Variants in NOTCH2 observed in about 807,000 individuals in gnomAD.
NOTCH2 encodes the protein neurogenic locus notch homolog protein 2.
NOTCH2 carries 29 observed loss-of-function variants against 235.8 expected under a neutral mutation model. The observed-to-expected ratio is 0.12, with a 90% CI of 0.09 to 0.17. NOTCH2 has a LOEUF of 0.17. Ranked by LOEUF, NOTCH2 falls within the 10% of genes least tolerant of loss-of-function variation. The pLI is 1.00. For synonymous variants in NOTCH2, 1,086 were observed against 1,141.5 expected (o/e 0.95, Z 0.98); for missense variants, 2,285 against 3,150.2 (o/e 0.73, Z 6.57).
chr1:119,982,246 C>T (rs1440526204), intron 5 of NOTCH2, among the ~76,000 whole-genome samples: 11 of 152,190 alleles, frequency 7.2e-5, no homozygotes, highest in African/African-American at 2.4e-4. Context: ...TTCTTTGACT[C>T]ATATCCACCT....
intron 17 of NOTCH2, among the ~76,000 whole-genome samples, chr1:119,946,872 G>C (rs1340395572): frequency 2.0e-5 from 3 of 151,990 alleles, no homozygotes; most frequent in African/African-American, 7.2e-5. Context: ...AAAGGCATAA[G>C]GGTTATTTAT....
intron 2 of NOTCH2, among the ~76,000 whole-genome samples, chr1:120,011,721 A>C (rs1306424896): frequency 1.3e-5 from 2 of 152,150 alleles, no homozygotes; most frequent in Non-Finnish European, 2.9e-5. Context: ...AGAAAGATTA[A>C]GATTTTACAG....
Position 119,925,707 on chromosome 1 carries a change from C to T in NOTCH2, c.4109G>A (p.Ser1370Asn), listed in dbSNP as rs1649451769. The T allele has an allele frequency of 6.2e-7, 1 of 1,613,000 alleles. No homozygotes were observed. The highest frequency in any genetic ancestry group is 8.5e-7 in the Non-Finnish European group (1 of 1,179,134). Residue 1370 changes from serine to asparagine, a missense_variant, in exon 25 of 34, where the codon AGT becomes AAT. Physicochemically the swap from Ser to Asn is conservative, Grantham distance 46. This residue lies in a region of NOTCH2 where 1,173 missense variants were observed against 1,515.3 expected (regional missense o/e 0.77). Transcript: ENST00000256646. Reference protein sequence around the residue: ...TASGPRCFCPSPRDCESGCAS... With the variant: ...TASGPRCFCPNPRDCESGCAS... The stretch of plus-strand genomic sequence containing the variant: ...ACAGCCTGACTCGCAGTCCCGGGGA[C>T]TGGGGCAGAAGCAGCGGGGTCCAGA...
At chr1:120,067,319 T>A (rs1301452219) in intron 1 of NOTCH2, among the ~76,000 whole-genome samples, 1 of 149,108 alleles carries the variant, frequency 6.7e-6, no homozygotes, top group African/African-American at 2.5e-5. Flanking sequence ...CTAAATCCTA[T>A]CCTTTGAGTC....
At chr1:119,923,541 C>A in intron 26 of NOTCH2, 96 bp downstream of exon 26, 1 of 1,093,866 alleles carries the variant, frequency 9.1e-7, no homozygotes, top group South Asian at 1.3e-5. Flanking sequence ...TTTTTCTGAT[C>A]TTTGCATTTC....
At position 119,946,349 on chromosome 1, in the gene NOTCH2, G is replaced by A. The variant is rs918753131; in HGVS notation, c.2752+2065C>T. 3.3e-5 allele frequency among the ~76,000 whole-genome samples: 5 copies of A among 152,036 alleles called. No homozygotes were observed. In the East Asian group the frequency reaches 5.8e-4, roughly 18 times the overall value. On this transcript the variant is annotated intron_variant, in intron 17 of 33. Coordinates refer to ENST00000256646, the MANE Select transcript of NOTCH2 (RefSeq NM_024408.4). ...CTCTTATCACAACCAGACAATGGTA[G>A]TCCAAGAAACCTGGAGAACAATATC...
In NOTCH2 at chr1:119,997,048, C is replaced by T; in HGVS notation, c.700G>A (p.Gly234Ser). ...PCAPSPCVNG[G>S]TCRQTGDFTF... is the part of the protein sequence containing the mutation. ...AAGTCACCAGTCTGCCGACAGGTGCCTCCATTGACACAAGGTGAGGGTGCA... is the reference window on the plus strand; with the variant it reads ...AAGTCACCAGTCTGCCGACAGGTGCTTCCATTGACACAAGGTGAGGGTGCA... Residue 234 changes from glycine (G) to serine (S), a missense_variant, in exon 4 of 34, where the codon GGC becomes AGC. Coordinates refer to ENST00000256646, the MANE Select transcript of NOTCH2 (RefSeq NM_024408.4). 3.1e-6 allele frequency: 5 copies of T among 1,614,026 alleles called. No homozygotes were observed. Among genetic ancestry groups the T allele is most frequent in the Non-Finnish European group, 4.2e-6 (5 of 1,179,866 alleles).
intron 3 of NOTCH2, among the ~76,000 whole-genome samples, chr1:120,000,421 C>T (rs1220047837): frequency 6.7e-6 from 1 of 149,458 alleles, no homozygotes; most frequent in African/African-American, 2.5e-5. Flanking sequence ...GTAGTCCCAG[C>T]TACTCAGGAG....
intron 1 of NOTCH2, among the ~76,000 whole-genome samples, chr1:120,047,763 T>TA (rs1654842492): frequency 1.4e-5 from 2 of 139,604 alleles, no homozygotes; most frequent in African/African-American, 6.1e-5. Flanking sequence ...TACTTTACCT[T>TA]GGTTTTTTTT....
chr1:120,069,577 C>T lies in NOTCH2; in HGVS notation c.-171G>A. The T allele has an allele frequency of 1.4e-6, 2 of 1,411,154 alleles. No homozygotes were observed. Among genetic ancestry groups the T allele is most frequent in the East Asian group, 2.9e-5 (1 of 34,860 alleles). 87.4% of individuals were successfully genotyped at this position (1,411,154 alleles called of 1,614,324 possible). On this transcript the variant is annotated 5_prime_UTR_variant, in exon 1 of 34. Transcript: ENST00000256646. ...GGCGCAAATGCCTCGACTCCCCGCG[C>T]CCCGAGTCCGCCGCTCCTCGGCCGC...
intron 12 of NOTCH2, among the ~76,000 whole-genome samples, chr1:119,955,770 T>C (rs782678668): frequency 1.8e-4 from 27 of 151,982 alleles, no homozygotes; most frequent in Non-Finnish European, 3.5e-4. Flanking sequence ...TTAGAGTCTA[T>C]TAATCCATTT....
intron 12 of NOTCH2, among the ~76,000 whole-genome samples, chr1:119,958,765 C>T (rs782665279): frequency 1.4e-4 from 21 of 151,724 alleles, no homozygotes; most frequent in Admixed American, 2.0e-4. Flanking sequence ...TGCATGTACA[C>T]GCACATGTGT....
chr1:119,941,423 C>T, intron 18 of NOTCH2, 103 bp downstream of exon 18: 1 of 798,362 alleles, frequency 1.3e-6, no homozygotes, highest in Non-Finnish European at 2.2e-6. Flanking sequence ...TCCATGTGGA[C>T]ACCTCATCCC....
At chr1:119,988,791 C>T (rs782122574) in intron 4 of NOTCH2, among the ~76,000 whole-genome samples, 1 of 152,206 alleles carries the variant, frequency 6.6e-6, no homozygotes, top group Non-Finnish European at 1.5e-5. Context: ...AACTCGATCT[C>T]TCTGATGAGT....
intron 17 of NOTCH2, among the ~76,000 whole-genome samples, chr1:119,943,344 AG>A (rs1553196688): frequency 1.3e-5 from 2 of 152,190 alleles, no homozygotes; most frequent in African/African-American, 4.8e-5. Context: ...GGCTGGGGGA[AG>A]AACCACCAGA....
In NOTCH2 at chr1:119,915,481, T is replaced by C. The variant is rs760647558; in HGVS notation, c.7241A>G (p.Tyr2414Cys). Reference protein sequence around the residue: ...HSGHLQGEHPYLTPSPESPDQ... With the variant: ...HSGHLQGEHPCLTPSPESPDQ... ...AGGAGACTCTGGGGATGGTGTCAGG[T>C]AGGGATGCTCACCCTGGAGGTGACC... The change falls in exon 34 of 34, where the codon TAC becomes TGC. Residue 2414 changes from tyrosine to cysteine, a missense_variant. Transcript: ENST00000256646. The C allele has an allele frequency of 6.2e-7, 1 of 1,614,044 alleles. No homozygotes were observed. Among genetic ancestry groups the C allele is most frequent in the Non-Finnish European group, 8.5e-7 (1 of 1,180,004 alleles).
intron 4 of NOTCH2, 46 bp downstream of exon 4, chr1:119,996,951 G>A: frequency 2.5e-6 from 4 of 1,588,792 alleles, no homozygotes; most frequent in Non-Finnish European, 3.5e-6. Context: ...TACCTCCTGT[G>A]CTAGGGGTTT....
At chr1:119,921,891 AC>A (rs1472717610) in intron 28 of NOTCH2, 82 bp from the exon 29 acceptor site, 6 of 1,163,696 alleles carry the variant, frequency 5.2e-6, no homozygotes, top group Non-Finnish European at 7.7e-6. Flanking sequence ...ACCATGACAC[AC>A]TCCCGTGGCT....
At position 120,069,532 on chromosome 1, in the gene NOTCH2, G is replaced by C; in HGVS notation, c.-126C>G. ...TCCTGCTTCAAAGGCTCAGGCCCTG[G>C]CGCTACGCTCCGAAGCCCAGGCGCA... is the stretch of plus-strand genomic sequence containing the variant. On this transcript the variant is annotated 5_prime_UTR_variant, in exon 1 of 34. Coordinates refer to ENST00000256646, the MANE Select transcript of NOTCH2 (RefSeq NM_024408.4). 3.5e-6 allele frequency: 5 copies of C among 1,425,482 alleles called. No homozygotes were observed. Among genetic ancestry groups the C allele is most frequent in the Non-Finnish European group, 4.6e-6 (5 of 1,098,286 alleles). The allele number at this position is 1,425,482 out of a possible 1,614,324, so 88.3% of individuals were successfully genotyped here.
Sources: gnomAD v4.1 joint callset for allele counts (sites outside exome capture counted in the v4.1 genomes callset) on GRCh38, gnomAD v4.1.1 for gene constraint, gnomAD v4.1.1 regional missense constraint, MANE v1.5 for transcripts, NCBI Gene and HGNC (gene_info 2026-07-23, HGNC 2026-07-21) for gene names.